GPR155: variants seen among roughly 807,000 people sequenced by gnomAD.
GPR155 encodes G protein-coupled receptor 155, also known as lysosomal cholesterol signaling protein.
In GPR155, 65 loss-of-function variants were observed where a neutral mutation model predicts 93.1. The observed-to-expected ratio is 0.70, with a 90% CI of 0.57 to 0.86. The LOEUF is 0.86. Ranked by LOEUF, GPR155 falls within the 40% of genes least tolerant of loss-of-function variation. GPR155 has a pLI of 0.00. For synonymous variants in GPR155, 319 were observed against 360.1 expected (o/e 0.89, Z 1.29); for missense variants, 838 against 1,034.8 (o/e 0.81, Z 2.61).
chr2:174,460,966 C>T (rs1687674361), intron 9 of GPR155, among the ~76,000 whole-genome samples: 1 of 152,090 alleles, frequency 6.6e-6, no homozygotes, highest in African/African-American at 2.4e-5. Context: ...GGACTCCACT[C>T]CTAAAGAATT....
In GPR155 at chr2:174,453,664, AAAAG is replaced by A. The variant is rs1342823473; in HGVS notation, c.1876+69_1876+72del. On this transcript the variant is annotated intron_variant, in intron 11 of 15. Coordinates refer to ENST00000392552, the MANE Select transcript of GPR155 (RefSeq NM_152529.7). Reference sequence around the variant, plus strand: ...GACAGAGCAAGACTCCGTCTCAAAAAAAAGAAAAAAAAAAAAAAGAATAAGGAAT... The same window carrying A: ...GACAGAGCAAGACTCCGTCTCAAAAAAAAAAAAAAAAAAAGAATAAGGAAT... The A allele has an allele frequency of 7.6e-4, 479 of 630,448 alleles. 23 individuals are homozygous for A. Among genetic ancestry groups the A allele is most frequent in the East Asian group, 3.5e-3 (129 of 36,586 alleles). The allele number at this position is 630,448 out of a possible 1,614,324, so 39.1% of individuals were successfully genotyped here.
chr2:174,485,442 C>T (rs1688448271), intron 1 of GPR155, among the ~76,000 whole-genome samples: 1 of 151,932 alleles, frequency 6.6e-6, no homozygotes, highest in African/African-American at 2.4e-5. Flanking sequence ...ACTAAAAAGA[C>T]AAAAATTAGC....
chr2:174,481,920 C>A lies in GPR155; in HGVS notation c.37G>T (p.Ala13Ser). 1 of 1,613,830 alleles carries A rather than the reference C, an allele frequency of 6.2e-7. No homozygotes were observed. Among genetic ancestry groups the A allele is most frequent in the Non-Finnish European group, 8.5e-7 (1 of 1,179,804 alleles). Reference sequence around the variant, plus strand: ...GGCAAAGTCTTGGTCATATTGACTGCAATGGTTAAGTTCTCTGCAGGTAAA... The same window carrying A: ...GGCAAAGTCTTGGTCATATTGACTGAAATGGTTAAGTTCTCTGCAGGTAAA... ...SNLPAENLTI[A>S]VNMTKTLPTA... The change falls in exon 2 of 16, where the codon GCA becomes TCA. Residue 13 changes from alanine (A) to serine (S), a missense_variant. Physicochemically the swap from Ala to Ser is moderately conservative, Grantham distance 99. This residue lies in a region of GPR155 where 663 missense variants were observed against 790.1 expected (regional missense o/e 0.84). Coordinates refer to ENST00000392552, the MANE Select transcript of GPR155 (RefSeq NM_152529.7).
At position 174,436,151 on chromosome 2, in the gene GPR155, G is replaced by A; in HGVS notation, c.2578C>T (p.His860Tyr). 6.2e-7 allele frequency: 1 copy of A among 1,613,784 alleles called. No homozygotes were observed. Among genetic ancestry groups the A allele is most frequent in the South Asian group, 1.1e-5 (1 of 91,082 alleles). ...GGGGAATGTGAGGGTGGGGATGAAT[G>A]CTCAATTTCTTTATATCTTTCCTGT... Reference protein sequence around the residue: ...LQQERYKEIEHSSPPSHSPKT With the variant: ...LQQERYKEIEYSSPPSHSPKT The change falls in exon 16 of 16, where the codon CAT becomes TAT. Residue 860 changes from histidine to tyrosine, a missense_variant. Coordinates refer to ENST00000392552, the MANE Select transcript of GPR155 (RefSeq NM_152529.7).
At chr2:174,475,637 A>C (rs761205166) in intron 2 of GPR155, among the ~76,000 whole-genome samples, 31 of 152,184 alleles carry the variant, frequency 2.0e-4, no homozygotes, top group Non-Finnish European at 4.3e-4. Context: ...TCCAAATTAG[A>C]TATGCTAGTT....
At chr2:174,453,268 C>A (rs1304736426) in intron 11 of GPR155, among the ~76,000 whole-genome samples, 1 of 152,112 alleles carries the variant, frequency 6.6e-6, no homozygotes, top group Non-Finnish European at 1.5e-5. Context: ...CACAATTATT[C>A]CCTATTAGCA....
chr2:174,444,635 G>A (rs997414458), intron 13 of GPR155, among the ~76,000 whole-genome samples: 1 of 151,704 alleles, frequency 6.6e-6, no homozygotes, highest in Non-Finnish European at 1.5e-5. Flanking sequence ...TTGGATTATC[G>A]GCATGGACTA....
At chr2:174,458,597 C>T (rs1033571289) in intron 10 of GPR155, among the ~76,000 whole-genome samples, 1 of 152,148 alleles carries the variant, frequency 6.6e-6, no homozygotes, top group Non-Finnish European at 1.5e-5. Context: ...TTATCCAATA[C>T]CTACTGCCTT....
At chr2:174,462,352 C>T (rs1278422308) in intron 7 of GPR155, among the ~76,000 whole-genome samples, 2 of 152,128 alleles carry the variant, frequency 1.3e-5, no homozygotes, top group Non-Finnish European at 2.9e-5. Flanking sequence ...ACTCCGTTGC[C>T]CAGGCTGGAG....
chr2:174,466,406 G>T, intron 6 of GPR155, 138 bp downstream of exon 6: 2 of 599,674 alleles, frequency 3.3e-6, no homozygotes, highest in Non-Finnish European at 6.0e-6. Flanking sequence ...TATAGTAGTT[G>T]TAATCAAACT....
chr2:174,481,876 T>A lies in GPR155; in HGVS notation c.81A>T (p.Gly27=), dbSNP rs148560410. Residue 27 remains glycine (G), a synonymous_variant, in exon 2 of 16, where the codon GGA becomes GGT. Coordinates refer to ENST00000392552, the MANE Select transcript of GPR155 (RefSeq NM_152529.7). ...AAGGTGGGTCATTAGTGGAATTAAA[T>A]CCATGCGTTACTGCTGTAGGCAAAG... ...TKTLPTAVTH[G]FNSTNDPPSM... 1 of 1,614,032 alleles carries A rather than the reference T, an allele frequency of 6.2e-7. No individual in the cohort carries two copies. Among genetic ancestry groups the A allele is most frequent in the African/African-American group, 1.3e-5 (1 of 74,944 alleles).
chr2:174,470,458 A>T lies in GPR155; in HGVS notation c.958T>A (p.Tyr320Asn). 6.2e-7 allele frequency: 1 copy of T among 1,613,820 alleles called. No individual in the cohort carries two copies. Among genetic ancestry groups the T allele is most frequent in the South Asian group, 1.1e-5 (1 of 91,080 alleles). ...HTSLSNYAFL[Y>N]GVFPVAPGVA... ...CCTGGTGCTACAGGAAATACACCATACAGAAATGCATAATTTGATAAACTT... is the reference window on the plus strand; with the variant it reads ...CCTGGTGCTACAGGAAATACACCATTCAGAAATGCATAATTTGATAAACTT... Residue 320 changes from tyrosine to asparagine, a missense_variant, in exon 4 of 16, where the codon TAT becomes AAT. By Grantham distance (143) the Tyr-to-Asn change is moderately radical. Around this residue, in one of 3 missense-constraint regions of GPR155, gnomAD observed 663 missense variants for 790.1 expected, o/e 0.84. Coordinates refer to ENST00000392552, the MANE Select transcript of GPR155 (RefSeq NM_152529.7).
At position 174,456,133 on chromosome 2, in the gene GPR155, C is replaced by T. The variant is rs182341198; in HGVS notation, c.1772-2292G>A. Among the ~76,000 whole-genome samples, 7 of 152,138 alleles carry T rather than the reference C, an allele frequency of 4.6e-5. No individual in the cohort carries two copies. In the South Asian group the frequency reaches 6.2e-4, roughly 14 times the overall value. On this transcript the variant is annotated intron_variant, in intron 10 of 15. Coordinates refer to ENST00000392552, the MANE Select transcript of GPR155 (RefSeq NM_152529.7). Reference sequence around the variant, plus strand: ...CTGGGATTACAGGTGTGAGCCACCACGCCTGGCTGAGATATAAATAATATA... The same window carrying T: ...CTGGGATTACAGGTGTGAGCCACCATGCCTGGCTGAGATATAAATAATATA...
At chr2:174,462,673 C>T (rs1348767954) in intron 7 of GPR155, among the ~76,000 whole-genome samples, 3 of 152,184 alleles carry the variant, frequency 2.0e-5, no homozygotes, top group Non-Finnish European at 4.4e-5. Context: ...TCTTCTGGTG[C>T]TAAGAAGTAT....
rs1311648646 is a variant in GPR155 at position 174,459,859 on chromosome 2, A to T, written c.1771+19T>A. The T allele has an allele frequency of 6.4e-7, 1 of 1,554,106 alleles. No individual in the cohort carries two copies. Among genetic ancestry groups the T allele is most frequent in the Non-Finnish European group, 8.9e-7 (1 of 1,128,436 alleles). On this transcript the variant is annotated intron_variant, in intron 10 of 15. Transcript: ENST00000392552. ...GATTCTGTCTCAAATAAATAAAAAT[A>T]AAATTAAAAAGATCATACTTGTTTC...
At position 174,465,887 on chromosome 2, in the gene GPR155, C is replaced by T. The variant is rs756894581; in HGVS notation, c.1282G>A (p.Gly428Arg). The T allele has an allele frequency of 2.6e-6, 4 of 1,555,364 alleles. No individual in the cohort carries two copies. The highest frequency in any genetic ancestry group is 2.7e-6 in the Non-Finnish European group (3 of 1,128,602). Residue 428 changes from glycine (G) to arginine (R), a missense_variant, in exon 7 of 16, where the codon GGA (glycine) becomes AGA (arginine). Physicochemically the swap from Gly to Arg is moderately radical, Grantham distance 125. Around this residue, in one of 3 missense-constraint regions of GPR155, gnomAD observed 663 missense variants for 790.1 expected, o/e 0.84. Coordinates refer to ENST00000392552, the MANE Select transcript of GPR155 (RefSeq NM_152529.7). ...TTAACAAAATTCCATATCATCATTC[C>T]AGCACAGACAATAGACTAAGGAAAA... is the stretch of plus-strand genomic sequence containing the variant. ...LLIAQSIVCA[G>R]MMIWNFVKEK... is the part of the protein sequence containing the mutation.
chr2:174,450,844 G>A (rs1259555694), intron 11 of GPR155, among the ~76,000 whole-genome samples: 2 of 152,106 alleles, frequency 1.3e-5, no homozygotes, highest in Non-Finnish European at 2.9e-5. Flanking sequence ...ATTAAACATG[G>A]TCTAGCACAA....
rs1686646985 is a variant in GPR155, at chr2:174,431,583, T to C, written c.*4533A>G. On this transcript the variant is annotated 3_prime_UTR_variant, in exon 16 of 16. Coordinates refer to ENST00000392552, the MANE Select transcript of GPR155 (RefSeq NM_152529.7). ...CTAATGTTTTCTTTTTCATTAATTATTTCAACCTTTTATCATACCAATTGC... is the reference window on the plus strand; with the variant it reads ...CTAATGTTTTCTTTTTCATTAATTACTTCAACCTTTTATCATACCAATTGC... 1 of 152,234 alleles carries C rather than the reference T, an allele frequency of 6.6e-6. No individual in the cohort carries two copies. Among genetic ancestry groups the C allele is most frequent in the African/African-American group, 2.4e-5 (1 of 41,458 alleles). The allele number at this position is 152,234 out of a possible 1,614,324, so 9.4% of individuals were successfully genotyped here. A position where few individuals can be genotyped will look rare whatever the true frequency, so the allele number is the denominator to read the frequency against.
intron 10 of GPR155, among the ~76,000 whole-genome samples, chr2:174,454,723 A>G (rs114732582): frequency 0.065 from 7,681 of 117,334 alleles, 919 homozygotes; most frequent in African/African-American, 0.28. Context: ...GGAAGGGAAG[A>G]AAGGGAAGGG....
Sources: gnomAD v4.1 joint callset for allele counts (sites outside exome capture counted in the v4.1 genomes callset) on GRCh38, gnomAD v4.1.1 for gene constraint, gnomAD v4.1.1 regional missense constraint, MANE v1.5 for transcripts, NCBI Gene and HGNC (gene_info 2026-07-23, HGNC 2026-07-21) for gene names.